Variants in REXO4 observed in about 807,000 individuals in gnomAD.
REXO4 encodes REX4 homolog, 3'-5' exonuclease.
In REXO4, 29 loss-of-function variants were observed where a neutral mutation model predicts 39.9. The ratio of observed to expected loss-of-function variants is 0.73; its 90% CI spans 0.54 to 0.99. REXO4 has a LOEUF of 0.99. REXO4 is among the 50% of genes least tolerant of loss of function. The pLI is 0.00. For synonymous variants in REXO4, 184 were observed against 206.2 expected (o/e 0.89, Z 0.92); for missense variants, 524 against 546.5 (o/e 0.96, Z 0.41).
rs587610837 is a variant in REXO4 at position 133,415,766 on chromosome 9, G to A, written c.226-755C>T. On this transcript the variant is annotated intron_variant, in intron 1 of 7. Coordinates refer to ENST00000371942, the MANE Select transcript of REXO4 (RefSeq NM_020385.4). ...CACATCCCTTCCATTCACTTATTTTGCTTTTCTTTCTTGGGAGAAGGAAGA... is the reference window on the plus strand; with the variant it reads ...CACATCCCTTCCATTCACTTATTTTACTTTTCTTTCTTGGGAGAAGGAAGA... The A allele has an allele frequency of 5.3e-5, 8 of 152,324 alleles. No homozygotes were observed. In the South Asian group the frequency reaches 1.7e-3, roughly 32 times the overall value. 9.4% of individuals were successfully genotyped at this position (152,324 alleles called of 1,614,324 possible).
chr9:133,412,229 G>T, intron 4 of REXO4, 70 bp downstream of exon 4: 1 of 1,494,860 alleles, frequency 6.7e-7, no homozygotes, highest in Non-Finnish European at 9.2e-7. Context: ...GACAGAAAAG[G>T]GAACAAAAGG....
Position 133,406,730 on chromosome 9 carries a change from C to T in REXO4, c.*223G>A. Reference sequence around the variant, plus strand: ...CGTGCCCATGGCCGTCCCTGCTCCCCACCCTGACCATCCGGGCCCAAACAC... The same window carrying T: ...CGTGCCCATGGCCGTCCCTGCTCCCTACCCTGACCATCCGGGCCCAAACAC... On this transcript the variant is annotated 3_prime_UTR_variant, in exon 8 of 8. Transcript: ENST00000371942. The T allele has an allele frequency of 7.7e-6, 5 of 646,898 alleles. No individual in the cohort carries two copies. Among genetic ancestry groups the T allele is most frequent in the Non-Finnish European group, 1.3e-5 (5 of 388,826 alleles). The allele number at this position is 646,898 out of a possible 1,614,324, so 40.1% of individuals were successfully genotyped here.
intron 6 of REXO4, 85 bp from the exon 7 acceptor site, chr9:133,407,966 C>T: frequency 1.9e-6 from 2 of 1,044,284 alleles, no homozygotes; most frequent in Non-Finnish European, 2.9e-6. Flanking sequence ...CGGTTGGCTA[C>T]TGAACCTCAC....
In REXO4 at chr9:133,417,670, G is replaced by A; in HGVS notation, c.175C>T (p.Pro59Ser). 5 of 1,614,106 alleles carry A rather than the reference G, an allele frequency of 3.1e-6. No homozygotes were observed. Among genetic ancestry groups the A allele is most frequent in the Non-Finnish European group, 4.2e-6 (5 of 1,179,970 alleles). The change falls in exon 1 of 8, where the codon CCT (proline) becomes TCT (serine). Residue 59 changes from proline (P) to serine (S), a missense_variant. By Grantham distance (74) the Pro-to-Ser change is moderately conservative. Coordinates refer to ENST00000371942, the MANE Select transcript of REXO4 (RefSeq NM_020385.4). Reference protein sequence around the residue: ...PASGPGAVVRPPKAPEDFSQN... With the variant: ...PASGPGAVVRSPKAPEDFSQN... ...GAAAAGTCTTCTGGTGCCTTTGGAGGTCGCACCACAGCACCGGGGCCGCTT... is the reference window on the plus strand; with the variant it reads ...GAAAAGTCTTCTGGTGCCTTTGGAGATCGCACCACAGCACCGGGGCCGCTT...
At chr9:133,415,234 A>G (rs1052885694) in intron 1 of REXO4, among the ~76,000 whole-genome samples, 3 of 152,068 alleles carry the variant, frequency 2.0e-5, no homozygotes, top group African/African-American at 7.2e-5. Context: ...TTATCTTATT[A>G]TAATGCATTT....
intron 1 of REXO4, 145 bp downstream of exon 1, chr9:133,417,474 GC>G: frequency 1.2e-6 from 1 of 806,832 alleles, no homozygotes; most frequent in South Asian, 1.7e-5. Flanking sequence ...CCCTCAACAG[GC>G]CACCTTTCTT....
rs1588126277 is a variant in REXO4 at position 133,406,675 on chromosome 9, G to A, written c.*278C>T. ...CAGGCCCCAACCTCACCTGGCCCAGGGGGTCAGCAGTCGGTAAAGCGTGGC... is the reference window on the plus strand; with the variant it reads ...CAGGCCCCAACCTCACCTGGCCCAGAGGGTCAGCAGTCGGTAAAGCGTGGC... On this transcript the variant is annotated 3_prime_UTR_variant, in exon 8 of 8. Transcript: ENST00000371942. 1 of 468,554 alleles carries A rather than the reference G, an allele frequency of 2.1e-6. No homozygotes were observed. Among genetic ancestry groups the A allele is most frequent in the East Asian group, 3.9e-5 (1 of 25,320 alleles). 29.0% of individuals were successfully genotyped at this position (468,554 alleles called of 1,614,324 possible).
chr9:133,414,618 G>A (rs973243783), intron 2 of REXO4, 47 bp downstream of exon 2: 5 of 1,554,142 alleles, frequency 3.2e-6, no homozygotes, highest in Non-Finnish European at 4.4e-6. Flanking sequence ...AGGCCTTGGT[G>A]AAGTCGCTGT....
At chr9:133,414,312 A>C (rs3780807) in intron 2 of REXO4, 28,930 of 477,140 alleles carry the variant, frequency 0.061, 1,134 homozygotes, top group Non-Finnish European at 0.085. Flanking sequence ...TGCCACCATG[A>C]CTACCACAAG....
chr9:133,409,268 GC>G (rs1394915418), intron 5 of REXO4, among the ~76,000 whole-genome samples: 1 of 152,068 alleles, frequency 6.6e-6, no homozygotes, highest in Non-Finnish European at 1.5e-5. Context: ...CGGCTGCCCT[GC>G]AAGTAACATC....
chr9:133,411,480 G>T (rs181952302), intron 4 of REXO4, among the ~76,000 whole-genome samples: 5 of 152,308 alleles, frequency 3.3e-5, no homozygotes, highest in African/African-American at 4.8e-5. Flanking sequence ...ACAAAAATGG[G>T]TAGAGATGTG....
Position 133,417,970 on chromosome 9 carries a change from C to T in REXO4, c.-126G>A. On this transcript the variant is annotated 5_prime_UTR_variant, in exon 1 of 8. The change creates a premature stop within an existing upstream ORF in the 5' untranslated region. Transcript: ENST00000371942. Reference sequence around the variant, plus strand: ...ACACACCCACCGCAGGGACCCCGTCCAGGAAAAGACTCCGGAAGAGACCCC... The same window carrying T: ...ACACACCCACCGCAGGGACCCCGTCTAGGAAAAGACTCCGGAAGAGACCCC... 1.2e-6 allele frequency: 1 copy of T among 847,374 alleles called. No individual in the cohort carries two copies. Among genetic ancestry groups the T allele is most frequent in the Non-Finnish European group, 1.8e-6 (1 of 559,590 alleles). 52.5% of individuals were successfully genotyped at this position (847,374 alleles called of 1,614,324 possible).
In REXO4 at chr9:133,406,976, C is replaced by G. The variant is rs782246136; in HGVS notation, c.1246G>C (p.Asp416His). The change falls in exon 8 of 8, where the codon GAC (aspartate) becomes CAC (histidine). Residue 416 changes from aspartate to histidine, a missense_variant. Physicochemically the swap from Asp to His is moderately conservative, Grantham distance 81 (BLOSUM62 -1). Transcript: ENST00000371942. ...RDRRPLLTAP[D>H]HCSDDA ...TGCTAGGCGTCGTCACTGCAGTGGT[C>G]TGGAGCAGTCAGCAGGGGGCGCCTG... 1.2e-6 allele frequency: 2 copies of G among 1,612,268 alleles called. No individual in the cohort carries two copies. Among genetic ancestry groups the G allele is most frequent in the Non-Finnish European group, 1.7e-6 (2 of 1,180,016 alleles).
chr9:133,412,212 G>C, intron 4 of REXO4, 87 bp downstream of exon 4: 2 of 1,344,430 alleles, frequency 1.5e-6, no homozygotes, highest in Non-Finnish European at 2.1e-6. Context: ...TGCAGTGAGT[G>C]GTCTCAGACA....
intron 1 of REXO4, among the ~76,000 whole-genome samples, chr9:133,416,215 TCTTTTTAAACAACCAGCTCTCAA>T: frequency 1.3e-5 from 2 of 152,176 alleles, no homozygotes; most frequent in Middle Eastern, 6.8e-3. Flanking sequence ...GGTGCTAGGC[TCTTTTTAAACAACCAGCTCTCAA>T]ATGAACCAGC....
intron 1 of REXO4, among the ~76,000 whole-genome samples, chr9:133,416,372 A>C (rs1407841242): frequency 6.6e-6 from 1 of 152,202 alleles, no homozygotes; most frequent in Non-Finnish European, 1.5e-5. Context: ...TCTTTTTTAA[A>C]AAAACTACTT....
intron 7 of REXO4, 147 bp downstream of exon 7, chr9:133,407,660 A>T (rs782106952): frequency 1.0e-5 from 6 of 584,196 alleles, no homozygotes; most frequent in Non-Finnish European, 1.5e-5. Context: ...ACTCCGCTCT[A>T]CCATTTTTTT....
intron 1 of REXO4, among the ~76,000 whole-genome samples, 155 bp from the exon 2 acceptor site, chr9:133,415,166 T>C (rs934820066): frequency 6.6e-6 from 1 of 152,230 alleles, no homozygotes; most frequent in Non-Finnish European, 1.5e-5. Context: ...TCAAACGGTT[T>C]GGAAAAAGCT....
rs1409473648 is a variant in REXO4 at position 133,414,937 on chromosome 9, G to A, written c.300C>T (p.Pro100=). 2 of 1,613,508 alleles carry A rather than the reference G, an allele frequency of 1.2e-6. No homozygotes were observed. The highest frequency in any genetic ancestry group is 1.7e-6 in the Non-Finnish European group (2 of 1,179,936). Reference sequence around the variant, plus strand: ...CTTTTTTGTTTTGCTGGATAATTTTGGGCTTCTTTTTGGAACCCATCTGAG... The same window carrying A: ...CTTTTTTGTTTTGCTGGATAATTTTAGGCTTCTTTTTGGAACCCATCTGAG... ...VISQMGSKKK[P]KIIQQNKKET... Residue 100 remains proline (P), a synonymous_variant, in exon 2 of 8, where the codon CCC becomes CCT. Transcript: ENST00000371942.
Sources: allele counts gnomAD v4.1 joint callset (sites outside exome capture counted in the v4.1 genomes callset), GRCh38; gene constraint gnomAD v4.1.1; transcripts MANE v1.5; gene names NCBI Gene and HGNC (gene_info 2026-07-23, HGNC 2026-07-21).